The following TNFAIP8L3 variants were observed in gnomAD, a reference collection of about 807,000 sequenced individuals.
TNFAIP8L3 encodes the protein TNF alpha induced protein 8 like 3.
In TNFAIP8L3, 7 loss-of-function variants were observed where a neutral mutation model predicts 11.8. The ratio of observed to expected loss-of-function variants is 0.59; its 90% CI spans 0.34 to 1.11. The LOEUF is 1.11. TNFAIP8L3 is among the 50% of genes most tolerant of loss of function. The pLI, the probability that TNFAIP8L3 is intolerant of heterozygous loss-of-function variation, is 0.03. For missense variants in TNFAIP8L3, 219 were observed against 258.6 expected (o/e 0.85, Z 1.05); for synonymous variants, 98 against 103.8 (o/e 0.94, Z 0.34).
intron 1 of TNFAIP8L3, among the ~76,000 whole-genome samples, chr15:51,082,424 A>C (rs1234701922): frequency 6.6e-6 from 1 of 152,206 alleles, no homozygotes; most frequent in Non-Finnish European, 1.5e-5. Flanking sequence ...CAGGACTGGA[A>C]GTTGTTCCAG....
chr15:51,068,660 G>GTTTTTTTT (rs113982459), intron 1 of TNFAIP8L3, among the ~76,000 whole-genome samples: 2 of 116,342 alleles, frequency 1.7e-5, no homozygotes, highest in African/African-American at 3.2e-5. Flanking sequence ...CACCCCTCCT[G>GTTTTTTTT]TTTTTTTTTT....
At chr15:51,095,482 G>A (rs1322887423), upstream of TNFAIP8L3, among the ~76,000 whole-genome samples, 2 of 152,132 alleles carry the variant, frequency 1.3e-5, no homozygotes, top group Non-Finnish European at 2.9e-5. Flanking sequence ...CGGGGGCTCG[G>A]TGAGTCTGAA....
At chr15:51,096,219 T>C (rs1459707166), upstream of TNFAIP8L3, among the ~76,000 whole-genome samples, 2 of 152,178 alleles carry the variant, frequency 1.3e-5, no homozygotes, top group Non-Finnish European at 2.9e-5. Context: ...CTGGTCTACC[T>C]GAAGGCTGCC....
At chr15:51,062,929 T>C (rs2065249770) in intron 1 of TNFAIP8L3, among the ~76,000 whole-genome samples, 1 of 150,688 alleles carries the variant, frequency 6.6e-6, no homozygotes, top group Non-Finnish European at 1.5e-5. Context: ...AGTGGGAGAG[T>C]GAGTTAGAGA....
At chr15:51,089,899 C>G (rs2140980190) in intron 1 of TNFAIP8L3, among the ~76,000 whole-genome samples, 1 of 152,332 alleles carries the variant, frequency 6.6e-6, no homozygotes. Flanking sequence ...AACCAAATGG[C>G]ACATCATTCC....
chr15:51,079,601 T>C (rs1228586894), intron 1 of TNFAIP8L3, among the ~76,000 whole-genome samples: 1 of 152,202 alleles, frequency 6.6e-6, no homozygotes, highest in Non-Finnish European at 1.5e-5. Context: ...CTGGGAATGG[T>C]TGCCACATCA....
chr15:51,089,866 C>T (rs1444596235), intron 1 of TNFAIP8L3, among the ~76,000 whole-genome samples: 1 of 152,224 alleles, frequency 6.6e-6, no homozygotes, highest in African/African-American at 2.4e-5. Flanking sequence ...CAAACAGGAA[C>T]AAGAAATGGG....
intron 1 of TNFAIP8L3, among the ~76,000 whole-genome samples, chr15:51,073,145 C>T (rs764796642): frequency 2.0e-4 from 30 of 152,022 alleles, no homozygotes; most frequent in East Asian, 1.4e-3. Context: ...TACAGGCATG[C>T]GCCACCATGC....
At chr15:51,087,782 A>G (rs1302997459) in intron 1 of TNFAIP8L3, among the ~76,000 whole-genome samples, 1 of 151,848 alleles carries the variant, frequency 6.6e-6, no homozygotes, top group Non-Finnish European at 1.5e-5. Flanking sequence ...GCTCAAATTT[A>G]TTCCCAGGCA....
chr15:51,101,285 C>T (rs2065548515), intron 1 of TNFAIP8L3, among the ~76,000 whole-genome samples: 1 of 152,188 alleles, frequency 6.6e-6, no homozygotes, highest in African/African-American at 2.4e-5. Context: ...GCTTCTCAGA[C>T]CTGTGTAGCC....
At chr15:51,065,449 ATGG>A (rs1402406583) in intron 1 of TNFAIP8L3, among the ~76,000 whole-genome samples, 1 of 152,252 alleles carries the variant, frequency 6.6e-6, no homozygotes, top group African/African-American at 2.4e-5. Flanking sequence ...GCTCTCCCAG[ATGG>A]TGAAATGCCA....
chr15:51,085,793 T>C (rs562849706), intron 1 of TNFAIP8L3, among the ~76,000 whole-genome samples: 1 of 152,256 alleles, frequency 6.6e-6, no homozygotes, highest in South Asian at 2.1e-4. Context: ...CCTCTCTCCC[T>C]AAATAAAGCT....
chr15:51,088,789 G>A (rs1305882534), intron 1 of TNFAIP8L3, among the ~76,000 whole-genome samples: 1 of 152,204 alleles, frequency 6.6e-6, no homozygotes, highest in African/African-American at 2.4e-5. Context: ...GGTGACCACT[G>A]CCATGTGCTG....
chr15:51,081,659 C>T (rs906491618), intron 1 of TNFAIP8L3, among the ~76,000 whole-genome samples: 2 of 152,154 alleles, frequency 1.3e-5, no homozygotes, highest in Admixed American at 6.5e-5. Flanking sequence ...TGTTTTTTAA[C>T]AACAACACAA....
intron 1 of TNFAIP8L3, chr15:51,064,754 T>C (rs969776186): frequency 3.3e-5 from 5 of 152,214 alleles, no homozygotes; most frequent in African/African-American, 4.8e-5. Context: ...CTTTCAACCA[T>C]CCTTCTGCCT....
At chr15:51,059,429 T>A (rs888621976) in intron 1 of TNFAIP8L3, among the ~76,000 whole-genome samples, 1 of 152,068 alleles carries the variant, frequency 6.6e-6, no homozygotes, top group Non-Finnish European at 1.5e-5. Flanking sequence ...TAAGAACACA[T>A]AAAATGGCAT....
intron 1 of TNFAIP8L3, among the ~76,000 whole-genome samples, chr15:51,101,945 C>CAAAAAAAAAAAAAAAAAAAAAA (rs11297566): frequency 1.2e-5 from 1 of 85,720 alleles, no homozygotes; most frequent in Non-Finnish European, 2.3e-5. Context: ...GACTCTGTCT[C>CAAAAAAAAAAAAAAAAAAAAAA]AAAAAAAAAA....
exon 1 of TNFAIP8L3, chr15:51,105,028 T>G (rs544882539): frequency 6.2e-7 from 1 of 1,614,028 alleles, no homozygotes; most frequent in Non-Finnish European, 8.5e-7. Context: ...CCTCTGAAGA[T>G]GAAAAGATAA....
At chr15:51,085,438 C>T (rs146182054) in intron 1 of TNFAIP8L3, among the ~76,000 whole-genome samples, 1 of 152,096 alleles carries the variant, frequency 6.6e-6, no homozygotes, top group Non-Finnish European at 1.5e-5. Flanking sequence ...GAAGGAGGCC[C>T]CTGGGCAACG....
Sources: allele counts gnomAD v4.1 joint callset (sites outside exome capture counted in the v4.1 genomes callset), GRCh38; gene constraint gnomAD v4.1.1; transcripts MANE v1.5; gene names NCBI Gene and HGNC (gene_info 2026-07-23, HGNC 2026-07-21).